Variants in SNTA1 observed in about 807,000 individuals in gnomAD.
The protein encoded by SNTA1 is alpha-1-syntrophin.
A neutral mutation model predicts 47.1 loss-of-function variants in SNTA1; 31 were observed. The ratio of observed to expected loss-of-function variants is 0.66; its 90% CI spans 0.49 to 0.89. SNTA1 has a LOEUF of 0.89. SNTA1 is among the 40% of genes least tolerant of loss of function. The pLI, the probability that SNTA1 is intolerant of heterozygous loss-of-function variation, is 0.00. For synonymous variants in SNTA1, 300 were observed against 313.6 expected (o/e 0.96, Z 0.46); for missense variants, 575 against 693.0 (o/e 0.83, Z 1.91).
rs138164106 is a variant in SNTA1, at chr20:33,412,321, G to A, written c.1015C>T (p.Arg339Cys). 2.2e-5 allele frequency: 35 copies of A among 1,612,076 alleles called. No individual in the cohort carries two copies. The highest frequency in any genetic ancestry group is 1.2e-4 in the Admixed American group (7 of 59,774). Residue 339 changes from arginine to cysteine, a missense_variant, in exon 5 of 8, where the codon CGT becomes TGT. By Grantham distance (180) the Arg-to-Cys change is radical (BLOSUM62 -3). Transcript: ENST00000217381. ...CTGGTGGCGATGAGTGGGGCAGTAC[G>A]GGCTGGCCGGCTCAGGGCCTCGCGG... ...ETREALSRPA[R>C]TAPLIATRLV... is the part of the protein sequence containing the mutation.
rs1454100807 is a variant in SNTA1, at chr20:33,443,676, C to T, written c.-56G>A. On this transcript the variant is annotated 5_prime_UTR_variant, in exon 1 of 8. Coordinates refer to ENST00000217381, the MANE Select transcript of SNTA1 (RefSeq NM_003098.3). ...TCGCCCTGTCCCGCTTTGCCCAGCC[C>T]GCTCCGACCAAGCGCCCAGGGCAGA... 1 of 1,099,314 alleles carries T rather than the reference C, an allele frequency of 9.1e-7. No homozygotes were observed. The highest frequency in any genetic ancestry group is 1.1e-6 in the Non-Finnish European group (1 of 891,782). The allele number at this position is 1,099,314 out of a possible 1,614,324, so 68.1% of individuals were successfully genotyped here. A position where few individuals can be genotyped will look rare whatever the true frequency, so the allele number is the denominator to read the frequency against.
intron 2 of SNTA1, among the ~76,000 whole-genome samples, chr20:33,431,221 ACTGCATTCCAGC>A (rs1330325646): frequency 6.6e-6 from 1 of 152,070 alleles, no homozygotes; most frequent in East Asian, 1.9e-4. Context: ...TGATCATGCA[ACTGCATTCCAGC>A]CTGCATGACA....
At chr20:33,437,630 A>AT (rs1261950612) in intron 2 of SNTA1, among the ~76,000 whole-genome samples, 1 of 151,922 alleles carries the variant, frequency 6.6e-6, no homozygotes, top group African/African-American at 2.4e-5. Context: ...ACCCACCAGG[A>AT]TTTGGGCCTG....
At chr20:33,435,617 A>T (rs1990424916) in intron 2 of SNTA1, among the ~76,000 whole-genome samples, 1 of 152,080 alleles carries the variant, frequency 6.6e-6, no homozygotes, top group South Asian at 2.1e-4. Flanking sequence ...GTTTGTGTAG[A>T]GGAGATAGTG....
intron 2 of SNTA1, among the ~76,000 whole-genome samples, chr20:33,420,167 G>A (rs1055477877): frequency 2.3e-4 from 35 of 152,032 alleles, no homozygotes; most frequent in African/African-American, 7.5e-4. Flanking sequence ...CAGGTGCTCC[G>A]CCGGCCTCAG....
chr20:33,417,803 G>C lies in SNTA1; in HGVS notation c.617C>G (p.Pro206Arg). 1.9e-6 allele frequency: 3 copies of C among 1,614,100 alleles called. No individual in the cohort carries two copies. The highest frequency in any genetic ancestry group is 2.5e-6 in the Non-Finnish European group (3 of 1,179,994). Residue 206 changes from proline to arginine, a missense_variant, in exon 3 of 8, where the codon CCC becomes CGC. Coordinates refer to ENST00000217381, the MANE Select transcript of SNTA1 (RefSeq NM_003098.3). Reference protein sequence around the residue: ...QRQPSSPGPTPRNFSEAKHMS... With the variant: ...QRQPSSPGPTRRNFSEAKHMS... ...GTGTTTGGCCTCGCTGAAGTTCCGG[G>C]GTGTGGGGCCAGGGGAGGAAGGCTG...
chr20:33,435,180 C>T (rs987562570), intron 2 of SNTA1, among the ~76,000 whole-genome samples: 3 of 149,124 alleles, frequency 2.0e-5, no homozygotes, highest in South Asian at 2.1e-4. Flanking sequence ...TTAGTAGAGA[C>T]GGGGTTTCGC....
chr20:33,432,602 G>A (rs191856894), intron 2 of SNTA1, among the ~76,000 whole-genome samples: 1 of 152,294 alleles, frequency 6.6e-6, no homozygotes, highest in Non-Finnish European at 1.5e-5. Flanking sequence ...AGGATCAGGC[G>A]CAGTGGCTCA....
intron 2 of SNTA1, among the ~76,000 whole-genome samples, chr20:33,418,364 C>G (rs140786271): frequency 7.9e-5 from 12 of 151,890 alleles, no homozygotes; most frequent in African/African-American, 2.7e-4. Context: ...AATCAATCCT[C>G]CCACCTCAGC....
intron 2 of SNTA1, among the ~76,000 whole-genome samples, chr20:33,433,111 G>A (rs1309916353): frequency 2.6e-5 from 4 of 151,120 alleles, no homozygotes; most frequent in East Asian, 2.0e-4. Flanking sequence ...TATATTTTTC[G>A]TAGAGATGGA....
chr20:33,408,989 TC>T, intron 6 of SNTA1, 101 bp from the exon 7 acceptor site: 1 of 1,035,102 alleles, frequency 9.7e-7, no homozygotes, highest in Non-Finnish European at 1.5e-6. Context: ...CCTGAATGCC[TC>T]CAGGGATGGG....
rs778140373 is a variant in SNTA1, at chr20:33,417,781, T to C, written c.639A>G (p.Lys213=). ...GPTPRNFSEA[K]HMSLKMAYVS... is the part of the protein sequence containing the mutation. ...CATATGCCATCTTCAAGGACATGTG[T>C]TTGGCCTCGCTGAAGTTCCGGGGTG... Residue 213 remains lysine (K), a synonymous_variant, in exon 3 of 8, where the codon AAA becomes AAG. Coordinates refer to ENST00000217381, the MANE Select transcript of SNTA1 (RefSeq NM_003098.3). 2.2e-5 allele frequency: 35 copies of C among 1,613,992 alleles called. No individual in the cohort carries two copies.
intron 2 of SNTA1, among the ~76,000 whole-genome samples, chr20:33,430,287 CTTTTTTT>C (rs951409757): frequency 1.3e-3 from 172 of 131,518 alleles, no homozygotes; most frequent in Non-Finnish European, 2.3e-3. Context: ...TTACTTTTTT[CTTTTTTT>C]TTTTTTTTTT....
At chr20:33,421,957 CAAAAAAAAAAAAAA>C (rs34754645) in intron 2 of SNTA1, among the ~76,000 whole-genome samples, 1 of 70,042 alleles carries the variant, frequency 1.4e-5, no homozygotes, top group Non-Finnish European at 2.6e-5. Flanking sequence ...ACCCTGTCTC[CAAAAAAAAAAAAAA>C]AAAAAAAAAA....
At chr20:33,427,342 T>G (rs1464786380) in intron 2 of SNTA1, among the ~76,000 whole-genome samples, 1 of 152,164 alleles carries the variant, frequency 6.6e-6, no homozygotes, top group African/African-American at 2.4e-5. Context: ...GGCACTGATA[T>G]GTCAACCCTC....
At chr20:33,439,420 A>T (rs1203375592) in intron 1 of SNTA1, among the ~76,000 whole-genome samples, 1 of 152,180 alleles carries the variant, frequency 6.6e-6, no homozygotes, top group Non-Finnish European at 1.5e-5. Context: ...TGAGCCCAGG[A>T]GGTCGAGGCT....
Position 33,412,615 on chromosome 20 carries a change from C to G in SNTA1, c.869G>C (p.Gly290Ala). 6.2e-7 allele frequency: 1 copy of G among 1,613,926 alleles called. No individual in the cohort carries two copies. Among genetic ancestry groups the G allele is most frequent in the Non-Finnish European group, 8.5e-7 (1 of 1,180,020 alleles). The change falls in exon 4 of 8, where the codon GGG becomes GCG. Residue 290 changes from glycine (G) to alanine (A), a missense_variant. Coordinates refer to ENST00000217381, the MANE Select transcript of SNTA1 (RefSeq NM_003098.3). ...GCCAATCTGCTTGATGTCCTGGCTC[C>G]CAGCTGTGCTGGTGGCTGCCAACAG... ...QALLAATSTA[G>A]SQDIKQIGWL...
chr20:33,417,764 A>G lies in SNTA1; in HGVS notation c.656T>C (p.Met219Thr), dbSNP rs1989911034. The change falls in exon 3 of 8, where the codon ATG becomes ACG. Residue 219 changes from methionine to threonine, a missense_variant. Physicochemically the swap from Met to Thr is moderately conservative, Grantham distance 81 (BLOSUM62 -1). Transcript: ENST00000217381. The part of the protein sequence containing the change: ...FSEAKHMSLK[M>T]AYVSKRCTPN... Reference sequence around the variant, plus strand: ...GGTGCACCTCTTCGAGACATATGCCATCTTCAAGGACATGTGTTTGGCCTC... The same window carrying G: ...GGTGCACCTCTTCGAGACATATGCCGTCTTCAAGGACATGTGTTTGGCCTC... 6.2e-7 allele frequency: 1 copy of G among 1,614,138 alleles called. No homozygotes were observed. The highest frequency in any genetic ancestry group is 8.5e-7 in the Non-Finnish European group (1 of 1,180,030).
intron 2 of SNTA1, among the ~76,000 whole-genome samples, chr20:33,429,481 T>C (rs1334939192): frequency 6.7e-6 from 1 of 150,374 alleles, no homozygotes; most frequent in African/African-American, 2.5e-5. Context: ...AATACAAAAA[T>C]TAGCCAGATG....
Sources: gnomAD v4.1 joint callset for allele counts (sites outside exome capture counted in the v4.1 genomes callset) on GRCh38, gnomAD v4.1.1 for gene constraint, MANE v1.5 for transcripts, NCBI Gene and HGNC (gene_info 2026-07-23, HGNC 2026-07-21) for gene names.